Variants in SLIT2 observed in about 807,000 individuals in gnomAD.
The protein encoded by SLIT2 is slit guidance ligand 2.
A neutral mutation model predicts 185.7 loss-of-function variants in SLIT2; 41 were observed. The observed-to-expected ratio is 0.22, with a 90% CI of 0.17 to 0.29. SLIT2 has a LOEUF of 0.29. Ranked by LOEUF, SLIT2 falls within the 10% of genes least tolerant of loss-of-function variation. The probability of loss-of-function intolerance (pLI) is 1.00; values close to 1 mark genes in which losing one functional copy is unlikely to be tolerated. For missense variants in SLIT2, 1,571 were observed against 1,909.0 expected, an observed-to-expected ratio of 0.82 and a Z score of 3.30; for synonymous variants, 693 against 680.2, an observed-to-expected ratio of 1.02 and a Z score of -0.29.
At chr4:20,498,104 C>T (rs1183373138) in intron 9 of SLIT2, among the ~76,000 whole-genome samples, 11 of 152,146 alleles carry the variant, frequency 7.2e-5, no homozygotes, top group South Asian at 2.1e-4. Context: ...ACCTGGGAGG[C>T]GGAGGCAGCA....
intron 4 of SLIT2, among the ~76,000 whole-genome samples, chr4:20,461,243 G>C (rs1713674882): frequency 6.6e-6 from 1 of 152,202 alleles, no homozygotes; most frequent in African/African-American, 2.4e-5. Flanking sequence ...CATATAAAAG[G>C]AGAATTAAGA....
intron 4 of SLIT2, among the ~76,000 whole-genome samples, chr4:20,458,657 A>G (rs771470199): frequency 2.6e-5 from 4 of 152,220 alleles, no homozygotes; most frequent in African/African-American, 2.4e-5. Context: ...CCAGACCTCT[A>G]TAGAAGCTAC....
intron 33 of SLIT2, among the ~76,000 whole-genome samples, chr4:20,604,089 C>CAGAGTCGGCTCACGAT (rs1728608531): frequency 6.6e-6 from 1 of 152,106 alleles, no homozygotes; most frequent in Non-Finnish European, 1.5e-5. Context: ...GTGCTTGGCA[C>CAGAGTCGGCTCACGAT]AGAGTCGGCT....
chr4:20,384,552 C>A (rs1724785000), intron 4 of SLIT2, among the ~76,000 whole-genome samples: 1 of 152,056 alleles, frequency 6.6e-6, no homozygotes, highest in Middle Eastern at 3.2e-3. Flanking sequence ...TCAGACAAAT[C>A]CTAACAATTA....
Position 20,618,274 on chromosome 4 carries a change from A to G in SLIT2, c.4349-494A>G, listed in dbSNP as rs142767518. Among the ~76,000 whole-genome samples the G allele has an allele frequency of 5.0e-3, 757 of 152,322 alleles. 5 individuals carry two copies. The highest frequency in any genetic ancestry group is 8.9e-3 in the Non-Finnish European group (606 of 68,032). ...GGGACGAGACAAGAGGAACGTGCCC[A>G]TGGAAGCTTTTAGCAGATGTCTCTT... On this transcript the variant is annotated intron_variant, in intron 36 of 36. Coordinates refer to ENST00000504154, the MANE Select transcript of SLIT2 (RefSeq NM_004787.4).
At chr4:20,271,323 T>C (rs1733845567) in intron 4 of SLIT2, among the ~76,000 whole-genome samples, 1 of 149,762 alleles carries the variant, frequency 6.7e-6, no homozygotes, top group South Asian at 2.1e-4. Flanking sequence ...ATGATCGTTT[T>C]ATAAATATGT....
intron 21 of SLIT2, among the ~76,000 whole-genome samples, 187 bp downstream of exon 21, chr4:20,542,813 T>G (rs575116704): frequency 4.2e-5 from 1 of 23,928 alleles, no homozygotes; most frequent in Non-Finnish European, 7.7e-5. Context: ...TGGGAATTGC[T>G]GTGTGTGTGT....
intron 4 of SLIT2, among the ~76,000 whole-genome samples, chr4:20,296,852 G>C (rs1716534233): frequency 6.6e-6 from 1 of 152,182 alleles, no homozygotes. Flanking sequence ...GAATGAAAGA[G>C]GATAGCATTT....
intron 3 of SLIT2, among the ~76,000 whole-genome samples, chr4:20,265,219 T>C (rs1011425095): frequency 6.6e-6 from 1 of 152,010 alleles, no homozygotes; most frequent in African/African-American, 2.4e-5. Flanking sequence ...GTAATTGTTA[T>C]ATACCTTAAT....
chr4:20,272,765 A>G (rs1238723248), intron 4 of SLIT2, among the ~76,000 whole-genome samples: 1 of 152,172 alleles, frequency 6.6e-6, no homozygotes, highest in Non-Finnish European at 1.5e-5. Context: ...ACCAAAACTA[A>G]ACAAACAAAC....
intron 32 of SLIT2, 62 bp from the exon 33 acceptor site, chr4:20,598,199 CTCTT>C (rs1388135700): frequency 2.6e-6 from 4 of 1,523,992 alleles, no homozygotes; most frequent in Non-Finnish European, 3.6e-6. Flanking sequence ...ACTTAGCAGT[CTCTT>C]TCTGATCAAA....
At chr4:20,562,491 T>G (rs568044510) in intron 26 of SLIT2, among the ~76,000 whole-genome samples, 10 of 151,792 alleles carry the variant, frequency 6.6e-5, no homozygotes, top group Admixed American at 5.3e-4. Context: ...ACACATATTC[T>G]AAGACATGCA....
At chr4:20,514,907 T>G (rs560792765) in intron 11 of SLIT2, among the ~76,000 whole-genome samples, 1 of 151,582 alleles carries the variant, frequency 6.6e-6, no homozygotes, top group African/African-American at 2.4e-5. Context: ...TTTTAAAATT[T>G]CTTTCAATGT....
At chr4:20,512,856 A>G (rs530579335) in intron 11 of SLIT2, among the ~76,000 whole-genome samples, 7 of 152,296 alleles carry the variant, frequency 4.6e-5, no homozygotes, top group South Asian at 2.1e-4. Flanking sequence ...TCTTCCCTTA[A>G]TAATGTTAAT....
chr4:20,447,484 T>C (rs2148709214), intron 4 of SLIT2, among the ~76,000 whole-genome samples: 1 of 152,358 alleles, frequency 6.6e-6, no homozygotes, highest in African/African-American at 2.4e-5. Flanking sequence ...GTTACACTTA[T>C]TCTAACATTG....
chr4:20,367,364 G>T (rs7661464), intron 4 of SLIT2, among the ~76,000 whole-genome samples: 32,151 of 152,012 alleles, frequency 0.21, 3,676 homozygotes, highest in Middle Eastern at 0.27. Context: ...TAGTTTGTAA[G>T]TAAAGTATAT....
intron 9 of SLIT2, 104 bp from the exon 10 acceptor site, chr4:20,510,391 A>G: frequency 1.3e-6 from 1 of 782,720 alleles, no homozygotes; most frequent in Non-Finnish European, 2.2e-6. Context: ...TATATCACTC[A>G]TGAAGAACAT....
At chr4:20,308,655 A>G (rs1717797485) in intron 4 of SLIT2, among the ~76,000 whole-genome samples, 1 of 152,158 alleles carries the variant, frequency 6.6e-6, no homozygotes, top group Non-Finnish European at 1.5e-5. Context: ...GGAATGGAAT[A>G]CTTAATAGAA....
intron 4 of SLIT2, among the ~76,000 whole-genome samples, chr4:20,385,316 ACTTTT>A (rs1724849897): frequency 6.6e-6 from 1 of 152,286 alleles, no homozygotes; most frequent in South Asian, 2.1e-4. Context: ...GATATTATAA[ACTTTT>A]CTTTAACAGT....
Sources: allele counts gnomAD v4.1 joint callset (sites outside exome capture counted in the v4.1 genomes callset), GRCh38; gene constraint gnomAD v4.1.1; transcripts MANE v1.5; gene names NCBI Gene and HGNC (gene_info 2026-07-23, HGNC 2026-07-21).